Variants in SHISA9 observed in about 807,000 individuals in gnomAD.
The protein encoded by SHISA9 is protein shisa-9.
In SHISA9, 13 loss-of-function variants were observed where a neutral mutation model predicts 38.0. The ratio of observed to expected loss-of-function variants is 0.34; its 90% confidence interval spans 0.22 to 0.54. The LOEUF is 0.54. SHISA9 is among the 20% of genes least tolerant of loss of function. The pLI, the probability that SHISA9 is intolerant of heterozygous loss-of-function variation, is 0.91. For missense variants in SHISA9, 538 were observed against 575.8 expected, an observed-to-expected ratio of 0.93 and a Z score of 0.67; for synonymous variants, 275 against 242.0, an observed-to-expected ratio of 1.14 and a Z score of -1.27.
chr16:13,166,531 C>G (rs2050637582), intron 2 of SHISA9, among the ~76,000 whole-genome samples: 1 of 152,220 alleles, frequency 6.6e-6, no homozygotes, highest in Admixed American at 6.5e-5. Context: ...TCTCCCTTTT[C>G]CTGCTTTACT....
chr16:13,067,073 G>T (rs1421930439), intron 2 of SHISA9, among the ~76,000 whole-genome samples: 1 of 152,220 alleles, frequency 6.6e-6, no homozygotes, highest in African/African-American at 2.4e-5. Flanking sequence ...GCTAGTGCCT[G>T]GGGAAGCTTT....
chr16:13,336,986 C>A, the SHISA9 span, among the ~76,000 whole-genome samples: 1 of 152,172 alleles, frequency 6.6e-6, no homozygotes, highest in African/African-American at 2.4e-5. Flanking sequence ...GATGTGGCCA[C>A]AAGGATATTC....
the SHISA9 span, among the ~76,000 whole-genome samples, chr16:13,316,181 G>C: frequency 6.6e-5 from 10 of 152,126 alleles, no homozygotes; most frequent in Admixed American, 2.0e-4. Flanking sequence ...TGGCTTGCTG[G>C]TAGCCTGGGA....
the SHISA9 span, among the ~76,000 whole-genome samples, chr16:13,394,817 G>A: frequency 3.3e-5 from 5 of 152,162 alleles, no homozygotes; most frequent in Non-Finnish European, 7.3e-5. Context: ...AGGCAGCAAT[G>A]CTTTGCTTTT....
chr16:13,232,347 A>G (rs2051339603), intron 4 of SHISA9, among the ~76,000 whole-genome samples: 1 of 151,792 alleles, frequency 6.6e-6, no homozygotes, highest in Non-Finnish European at 1.5e-5. Flanking sequence ...AAAACAAATA[A>G]GAAAAGAAAG....
intron 2 of SHISA9, among the ~76,000 whole-genome samples, chr16:12,920,357 CT>C (rs1242814644): frequency 1.1e-4 from 16 of 144,870 alleles, no homozygotes; most frequent in Admixed American, 6.8e-4. Context: ...TTTCTGAGTA[CT>C]TTTAAAAATA....
chr16:13,488,460 C>G, the SHISA9 span, among the ~76,000 whole-genome samples: 1 of 152,154 alleles, frequency 6.6e-6, no homozygotes, highest in Non-Finnish European at 1.5e-5. Flanking sequence ...TACCCTCTTA[C>G]ATATACATTA....
rs114706025 is a variant in SHISA9 at position 12,962,288 on chromosome 16, G to A, written c.691+45473G>A. ...ACAGACAGTGAGAGAGCCAGAGTCA[G>A]GGTTGACCCCAGGCCTTCAGGCTGC... On this transcript the variant is annotated intron_variant, in intron 2 of 4. Coordinates refer to ENST00000558583, the MANE Select transcript of SHISA9 (RefSeq NM_001145204.3). Among the ~76,000 whole-genome samples the A allele has an allele frequency of 9.1e-3, 1,393 of 152,358 alleles. 17 individuals carry two copies. Among genetic ancestry groups the A allele is most frequent in the African/African-American group, 0.032 (1,326 of 41,582 alleles).
intron 2 of SHISA9, among the ~76,000 whole-genome samples, chr16:13,019,251 C>T (rs931540117): frequency 5.3e-5 from 8 of 152,076 alleles, no homozygotes; most frequent in African/African-American, 1.4e-4. Context: ...CTACCTGCCT[C>T]GGCCTCCCAA....
the SHISA9 span, among the ~76,000 whole-genome samples, chr16:13,269,280 C>T: frequency 3.3e-5 from 5 of 152,182 alleles, no homozygotes; most frequent in Admixed American, 1.3e-4. Flanking sequence ...CCAGTTCGGT[C>T]GGTCACCAGC....
chr16:13,319,976 T>G, the SHISA9 span, among the ~76,000 whole-genome samples: 1 of 151,916 alleles, frequency 6.6e-6, no homozygotes, highest in African/African-American at 2.4e-5. Context: ...GATGAAACTT[T>G]AAAATGAAAT....
intron 4 of SHISA9, among the ~76,000 whole-genome samples, chr16:13,229,773 T>G (rs1191044250): frequency 6.6e-6 from 1 of 152,134 alleles, no homozygotes; most frequent in Non-Finnish European, 1.5e-5. Context: ...GTAGTCAGTG[T>G]TATGATGGAG....
intron 2 of SHISA9, among the ~76,000 whole-genome samples, chr16:13,039,475 A>G (rs1325182707): frequency 1.4e-5 from 2 of 139,466 alleles, no homozygotes; most frequent in Non-Finnish European, 3.0e-5. Context: ...CAATGTGTCA[A>G]TGTCATGGGG....
In SHISA9 at chr16:13,235,085, T is replaced by G; in HGVS notation, c.951T>G (p.Ala317=). The stretch of plus-strand genomic sequence containing the variant: ...AGCGACGGCACCTGGCTGAGCTGGC[T>G]GCCAAGGGGAACTTACCTCTGCACC... ...YTKRRHLAEL[A]AKGNLPLHPV... Residue 317 remains alanine (A), a synonymous_variant, in exon 5 of 5, where the codon GCT becomes GCG. Transcript: ENST00000558583. 1 of 1,551,564 alleles carries G rather than the reference T, an allele frequency of 6.4e-7. No individual in the cohort carries two copies. The highest frequency in any genetic ancestry group is 8.7e-7 in the Non-Finnish European group (1 of 1,146,972).
At chr16:13,115,525 C>T (rs370836916) in intron 2 of SHISA9, among the ~76,000 whole-genome samples, 18 of 152,312 alleles carry the variant, frequency 1.2e-4, no homozygotes, top group South Asian at 2.1e-4. Flanking sequence ...CTGCCCTGGG[C>T]GGGCCAGGTG....
intron 2 of SHISA9, among the ~76,000 whole-genome samples, chr16:12,966,203 G>T (rs2071975869): frequency 6.6e-6 from 1 of 152,180 alleles, no homozygotes; most frequent in Non-Finnish European, 1.5e-5. Context: ...AATGTGTTCT[G>T]TGCTGGATAC....
At chr16:13,019,884 C>T (rs113947266) in intron 2 of SHISA9, among the ~76,000 whole-genome samples, 2,958 of 20,562 alleles carry the variant, frequency 0.14, 339 homozygotes, top group South Asian at 0.16. Flanking sequence ...CCCTCCCTCC[C>T]TTCTTTCTTT....
At chr16:13,228,624 G>A (rs1427399189) in intron 4 of SHISA9, among the ~76,000 whole-genome samples, 1 of 152,062 alleles carries the variant, frequency 6.6e-6, no homozygotes, top group East Asian at 1.9e-4. Context: ...AAGATTACTG[G>A]GAGGAAAGTG....
In SHISA9 at chr16:12,999,386, CT is replaced by C. The variant is rs149187160; in HGVS notation, c.691+82577del. Among the ~76,000 whole-genome samples, 917 of 152,250 alleles carry C rather than the reference CT, an allele frequency of 6.0e-3. 7 individuals are homozygous for C. The highest frequency in any genetic ancestry group is 0.034 in the Middle Eastern group (10 of 294). On this transcript the variant is annotated intron_variant, in intron 2 of 4. Coordinates refer to ENST00000558583, the MANE Select transcript of SHISA9 (RefSeq NM_001145204.3). ...CAATGGGCGCGTTGTGTGGTTCAGACTTTTTTCAGACTGCTCTGCACATGTT... is the reference window on the plus strand; with the variant it reads ...CAATGGGCGCGTTGTGTGGTTCAGACTTTTTCAGACTGCTCTGCACATGTT...
Sources: gnomAD v4.1 joint callset for allele counts (sites outside exome capture counted in the v4.1 genomes callset) on GRCh38, gnomAD v4.1.1 for gene constraint, MANE v1.5 for transcripts, NCBI Gene and HGNC (gene_info 2026-07-23, HGNC 2026-07-21) for gene names.